TPTE: variants seen among roughly 807,000 people sequenced by gnomAD.
The protein encoded by TPTE is transmembrane phosphatase with tensin homology.
In TPTE, 59 loss-of-function variants were observed where a neutral mutation model predicts 84.1. The observed-to-expected ratio is 0.70, with a 90% CI of 0.57 to 0.87. The LOEUF (loss-of-function observed/expected upper bound fraction) is 0.87. TPTE is among the 40% of genes least tolerant of loss of function. The pLI is 0.00. For missense variants in TPTE, 382 were observed against 659.6 expected (o/e 0.58, Z 4.61); for synonymous variants, 130 against 223.5 (o/e 0.58, Z 3.73).
At chr21:10,534,637 T>C (rs1400333653) in intron 3 of TPTE, among the ~76,000 whole-genome samples, 2 of 152,310 alleles carry the variant, frequency 1.3e-5, no homozygotes, top group African/African-American at 4.8e-5. Context: ...TGAAATGATA[T>C]CACTAGCCTA....
At chr21:10,586,045 G>T (rs202129107) in intron 17 of TPTE, among the ~76,000 whole-genome samples, 1,202 of 150,320 alleles carry the variant, frequency 8.0e-3, no homozygotes, top group South Asian at 0.043. Flanking sequence ...CCTATTTGTG[G>T]TCTCTATTTT....
At chr21:10,527,157 T>TCTCACA (rs1555885306) in intron 2 of TPTE, among the ~76,000 whole-genome samples, 198 bp from the exon 3 acceptor site, 86 of 150,364 alleles carry the variant, frequency 5.7e-4, no homozygotes, top group African/African-American at 1.8e-3. Context: ...TCTCTCTCTC[T>TCTCACA]CACACACACA....
intron 6 of TPTE, among the ~76,000 whole-genome samples, chr21:10,543,098 C>T (rs1293326438): frequency 1.6e-5 from 2 of 122,790 alleles, no homozygotes; most frequent in South Asian, 5.1e-4. Flanking sequence ...GGCGCAATCT[C>T]GGCTCACTGC....
chr21:10,580,144 T>G (rs1471427875), intron 17 of TPTE, among the ~76,000 whole-genome samples: 1 of 152,312 alleles, frequency 6.6e-6, no homozygotes, highest in Non-Finnish European at 1.5e-5. Context: ...CTTGGCCATT[T>G]GTGTGTCTTC....
intron 10 of TPTE, among the ~76,000 whole-genome samples, chr21:10,566,700 A>G (rs2074928698): frequency 6.6e-6 from 1 of 152,310 alleles, no homozygotes; most frequent in Non-Finnish European, 1.5e-5. Flanking sequence ...AACCCGGCCA[A>G]GTGCACTGGC....
chr21:10,550,265 A>G (rs2074548157), intron 7 of TPTE, among the ~76,000 whole-genome samples: 1 of 152,308 alleles, frequency 6.6e-6, no homozygotes, highest in African/African-American at 2.4e-5. Context: ...AATAGATTAA[A>G]TACCCCATGA....
At position 10,567,777 on chromosome 21, in the gene TPTE, G is replaced by A. The variant is rs773997628; in HGVS notation, c.554G>A (p.Arg185Lys). 2.5e-6 allele frequency: 4 copies of A among 1,613,412 alleles called. No individual in the cohort carries two copies. Among genetic ancestry groups the A allele is most frequent in the Non-Finnish European group, 2.5e-6 (3 of 1,179,558 alleles). ...VYIFFDIKLLRNIPRWTHLLR... is the reference protein window; with the variant it reads ...VYIFFDIKLLKNIPRWTHLLR... ...ATTTTTTTTGACATTAAGTTGCTTA[G>A]GAATATTCCCAGGTATGAAACATAA... is the stretch of plus-strand genomic sequence containing the variant. The change falls in exon 11 of 24, where the codon AGG becomes AAG. Residue 185 changes from arginine (R) to lysine (K), a missense_variant. By Grantham distance (26) the Arg-to-Lys change is conservative. Transcript: ENST00000618007.
intron 10 of TPTE, among the ~76,000 whole-genome samples, chr21:10,565,122 C>CA (rs1336334078): frequency 2.6e-4 from 39 of 152,342 alleles, no homozygotes; most frequent in African/African-American, 3.1e-4. Flanking sequence ...AAGACTCCAC[C>CA]AAAAAAAACT....
intron 3 of TPTE, among the ~76,000 whole-genome samples, chr21:10,529,926 A>T (rs1848211): frequency 2.6e-4 from 39 of 152,108 alleles, no homozygotes; most frequent in Admixed American, 4.6e-4. Flanking sequence ...TTTTTTTTTA[A>T]AAAAAGTAGT....
intron 3 of TPTE, among the ~76,000 whole-genome samples, chr21:10,533,923 C>T (rs1387992226): frequency 1.3e-5 from 2 of 152,306 alleles, no homozygotes; most frequent in African/African-American, 4.8e-5. Context: ...GCATTATGGA[C>T]AGAAAATGGA....
At chr21:10,548,106 A>C (rs1436187386) in intron 7 of TPTE, among the ~76,000 whole-genome samples, 1 of 152,308 alleles carries the variant, frequency 6.6e-6, no homozygotes, top group Non-Finnish European at 1.5e-5. Context: ...TGCCCCCAGC[A>C]GGCACACCAC....
At chr21:10,566,977 C>CAAAA (rs141155041) in intron 10 of TPTE, among the ~76,000 whole-genome samples, 30 of 126,102 alleles carry the variant, frequency 2.4e-4, no homozygotes, top group African/African-American at 7.7e-4. Context: ...AACTCCATCT[C>CAAAA]AAAAAAAAAA....
chr21:10,559,967 A>G (rs1465451225), intron 9 of TPTE, among the ~76,000 whole-genome samples: 1 of 152,280 alleles, frequency 6.6e-6, no homozygotes, highest in Admixed American at 6.5e-5. Context: ...CTTCAATGAG[A>G]AATACTGAAA....
intron 8 of TPTE, among the ~76,000 whole-genome samples, chr21:10,558,563 T>A (rs1286585795): frequency 6.6e-6 from 1 of 152,312 alleles, no homozygotes; most frequent in Non-Finnish European, 1.5e-5. Context: ...GAGAAATGTC[T>A]GTTCATGTCA....
chr21:10,589,175 A>G (rs1489895343), intron 17 of TPTE, among the ~76,000 whole-genome samples: 2 of 152,308 alleles, frequency 1.3e-5, no homozygotes, highest in Non-Finnish European at 2.9e-5. Context: ...CCTTTCCTAT[A>G]ATATTATTGT....
At chr21:10,577,992 A>G (rs371785272) in intron 15 of TPTE, among the ~76,000 whole-genome samples, 353 of 151,292 alleles carry the variant, frequency 2.3e-3, no homozygotes, top group African/African-American at 8.1e-3. Context: ...CTCTACCTGT[A>G]TACTCAATAG....
chr21:10,534,376 C>T (rs1243089673), intron 3 of TPTE, among the ~76,000 whole-genome samples: 20 of 152,308 alleles, frequency 1.3e-4, no homozygotes, highest in Non-Finnish European at 2.8e-4. Flanking sequence ...TGGGTAGTTG[C>T]TGTTATTGTC....
chr21:10,534,715 A>G (rs2074238262), intron 3 of TPTE, among the ~76,000 whole-genome samples: 3 of 152,428 alleles, frequency 2.0e-5, no homozygotes, highest in East Asian at 1.9e-4. Flanking sequence ...AATGTTAACT[A>G]TAGAGTTTCT....
chr21:10,538,055 T>G (rs1162413432), intron 3 of TPTE, among the ~76,000 whole-genome samples: 1 of 152,312 alleles, frequency 6.6e-6, no homozygotes, highest in Non-Finnish European at 1.5e-5. Flanking sequence ...TGCCTATATG[T>G]GAGACCTTAC....
Sources: allele counts gnomAD v4.1 joint callset (sites outside exome capture counted in the v4.1 genomes callset), GRCh38; gene constraint gnomAD v4.1.1; transcripts MANE v1.5; gene names NCBI Gene and HGNC (gene_info 2026-07-23, HGNC 2026-07-21).